THSD4: variants seen among roughly 807,000 people sequenced by gnomAD.
The protein encoded by THSD4 is thrombospondin type 1 domain containing 4.
A neutral mutation model predicts 119.0 loss-of-function variants in THSD4; 69 were observed. That is an observed-to-expected ratio of 0.58 (90% CI 0.48 to 0.71). The LOEUF (loss-of-function observed/expected upper bound fraction) is 0.71. Ranked by LOEUF, THSD4 falls within the 30% of genes least tolerant of loss-of-function variation. The pLI, the probability that THSD4 is intolerant of heterozygous loss-of-function variation, is 0.00. For missense variants in THSD4, 1,393 were observed against 1,391.1 expected, an observed-to-expected ratio of 1.00 and a Z score of -0.02; for synonymous variants, 524 against 540.4, an observed-to-expected ratio of 0.97 and a Z score of 0.42.
intron 15 of THSD4, among the ~76,000 whole-genome samples, chr15:71,758,787 C>T (rs1343595328): frequency 1.3e-5 from 2 of 152,106 alleles, no homozygotes; most frequent in Admixed American, 1.3e-4. Context: ...ACCTCTGGCT[C>T]CATATAGAAT....
chr15:71,139,941 C>T (rs899675952), intron 1 of THSD4, among the ~76,000 whole-genome samples: 8 of 152,244 alleles, frequency 5.3e-5, no homozygotes, highest in South Asian at 2.1e-4. Context: ...AGTTTTACTA[C>T]GTTGCAACCA....
chr15:71,205,802 T>A (rs1359370345), intron 3 of THSD4, among the ~76,000 whole-genome samples: 1 of 152,020 alleles, frequency 6.6e-6, no homozygotes, highest in Admixed American at 6.6e-5. Context: ...TTAAATCATC[T>A]GTCTCAGATG....
At chr15:71,622,573 T>C (rs2050436709) in intron 7 of THSD4, among the ~76,000 whole-genome samples, 1 of 152,230 alleles carries the variant, frequency 6.6e-6, no homozygotes, top group Admixed American at 6.5e-5. Flanking sequence ...CACGTGTGAT[T>C]CACTTTTCTC....
chr15:71,699,002 A>G (rs1337852831), intron 8 of THSD4, among the ~76,000 whole-genome samples: 2 of 152,302 alleles, frequency 1.3e-5, no homozygotes, highest in East Asian at 3.9e-4. Context: ...ACGATACAGT[A>G]TAGGGCTTAC....
rs962189582 is a variant in THSD4, at chr15:71,599,831, C to A, written c.1153-60699C>A. 1.2e-4 allele frequency among the ~76,000 whole-genome samples: 19 copies of A among 152,336 alleles called. 1 individual carries two copies. The highest frequency in any genetic ancestry group is 1.2e-3 in the Admixed American group (19 of 15,298). On this transcript the variant is annotated intron_variant, in intron 7 of 17. Coordinates refer to ENST00000261862, the MANE Select transcript of THSD4 (RefSeq NM_024817.3). ...GAGAGGCCCACTTTGAGCCGAAACA[C>A]TGGGAGCCGCATAAAGCCCCAATGT...
chr15:71,411,684 T>C lies in THSD4; in HGVS notation c.1016-3T>C, dbSNP rs1483429352. The C allele has an allele frequency of 6.2e-7, 1 of 1,613,350 alleles. No individual in the cohort carries two copies. The highest frequency in any genetic ancestry group is 1.1e-5 in the South Asian group (1 of 90,998). ...TTTATTTTATTTCATTTTACTTTGG[T>C]AGTAAAAGGCAATCGCAAATGTGAG... On this transcript the variant is annotated splice_polypyrimidine_tract_variant and splice_region_variant and intron_variant, in intron 6 of 17. Coordinates refer to ENST00000261862, the MANE Select transcript of THSD4 (RefSeq NM_024817.3).
At chr15:71,655,557 A>G (rs1272540353) in intron 7 of THSD4, among the ~76,000 whole-genome samples, 1 of 152,200 alleles carries the variant, frequency 6.6e-6, no homozygotes, top group East Asian at 1.9e-4. Flanking sequence ...AAGCCACCAT[A>G]TTGCAGAATT....
intron 5 of THSD4, 61 bp from the exon 6 acceptor site, chr15:71,256,552 T>C: frequency 3.0e-6 from 4 of 1,321,652 alleles, no homozygotes; most frequent in Non-Finnish European, 4.2e-6. Context: ...GGTTTGGAAA[T>C]GTATCCTGGA....
intron 7 of THSD4, among the ~76,000 whole-genome samples, chr15:71,611,952 G>A (rs185045370): frequency 4.6e-5 from 7 of 152,326 alleles, no homozygotes; most frequent in Admixed American, 1.3e-4. Flanking sequence ...ATGAGGTCTT[G>A]GAGGCTTTGA....
intron 2 of THSD4, among the ~76,000 whole-genome samples, chr15:71,147,415 G>A (rs893444253): frequency 6.6e-6 from 1 of 152,030 alleles, no homozygotes; most frequent in East Asian, 1.9e-4. Context: ...TCACCATCTT[G>A]CCCAGGCTGA....
At chr15:71,731,603 A>C in intron 10 of THSD4, 4 of 182,138 alleles carry the variant, frequency 2.2e-5, no homozygotes, top group Admixed American at 5.5e-5. Context: ...ACATAATGAA[A>C]CCCCTGTCTC....
At chr15:71,549,431 A>G (rs1278545163) in intron 7 of THSD4, among the ~76,000 whole-genome samples, 3 of 152,138 alleles carry the variant, frequency 2.0e-5, no homozygotes, top group Non-Finnish European at 4.4e-5. Context: ...CTAGGAAATT[A>G]TACAATTAGG....
In THSD4 at chr15:71,108,933, A is replaced by C. The variant is rs942457272; in HGVS notation, c.-80+11927A>C. Among the ~76,000 whole-genome samples, 12 of 152,354 alleles carry C rather than the reference A, an allele frequency of 7.9e-5. 1 individual carries two copies. The East Asian group carries it at 2.3e-3, about 29-fold the overall frequency. On this transcript the variant is annotated intron_variant, in intron 1 of 17. Coordinates refer to the THSD4 transcript ENST00000355327. ...CTTGAATGTGAGAGGCGGAGGTTGC[A>C]GTGAGCCAAGATCGCACCACTGCAC...
chr15:71,410,882 C>T (rs1343408425), intron 6 of THSD4, among the ~76,000 whole-genome samples: 1 of 152,000 alleles, frequency 6.6e-6, no homozygotes, highest in Admixed American at 6.6e-5. Flanking sequence ...AAAATACACA[C>T]ACACACACAC....
rs138291620 is a variant in THSD4 at position 71,407,766 on chromosome 15, CTGAT to C, written c.1016-3915_1016-3912del. Among the ~76,000 whole-genome samples the C allele has an allele frequency of 1.6e-4, 25 of 152,284 alleles. 1 individual carries two copies. The highest frequency in any genetic ancestry group is 1.9e-4 in the East Asian group (1 of 5,178). On this transcript the variant is annotated intron_variant, in intron 6 of 17. Transcript: ENST00000261862. ...AGTCAGCTGCTTCCAAGTCGGCTCA[CTGAT>C]TGATTTTCCTTAGAGCAATGATTCC...
chr15:71,711,072 A>AATATATATATATGTATATATATATAC (rs3086741), intron 8 of THSD4, among the ~76,000 whole-genome samples: 3 of 147,844 alleles, frequency 2.0e-5, no homozygotes, highest in Non-Finnish European at 4.5e-5. Flanking sequence ...TTGAAAGCAA[A>AATATATATATATGTATATATATATAC]ATATATATAT....
intron 7 of THSD4, among the ~76,000 whole-genome samples, chr15:71,480,680 GT>G (rs1409158866): frequency 6.6e-6 from 1 of 152,172 alleles, no homozygotes; most frequent in Non-Finnish European, 1.5e-5. Flanking sequence ...GTTGACAAAA[GT>G]GCAGGAGTGC....
intron 7 of THSD4, among the ~76,000 whole-genome samples, chr15:71,574,115 CAG>C (rs1304808610): frequency 6.6e-6 from 1 of 152,198 alleles, no homozygotes; most frequent in Non-Finnish European, 1.5e-5. Flanking sequence ...AGTAGACAGT[CAG>C]TGAATATTTG....
At position 71,297,320 on chromosome 15, in the gene THSD4, T is replaced by TTTG. The variant is rs1555461742; in HGVS notation, c.1015+40607_1015+40608insGTT. On this transcript the variant is annotated intron_variant, in intron 6 of 17. Coordinates refer to ENST00000261862, the MANE Select transcript of THSD4 (RefSeq NM_024817.3). ...AAGTCCTTTGCTCTCCTCTTCTTTTTTTTGTTTGTTTGTTTGTTTGTTTGT... is the reference window on the plus strand; with the variant it reads ...AAGTCCTTTGCTCTCCTCTTCTTTTTTTGTTTGTTTGTTTGTTTGTTTGTTTGT... 2.6e-4 allele frequency among the ~76,000 whole-genome samples: 38 copies of TTTG among 148,088 alleles called. 1 individual carries two copies. Among genetic ancestry groups the TTTG allele is most frequent in the East Asian group, 5.9e-4 (3 of 5,080 alleles).
Sources: allele counts gnomAD v4.1 joint callset (sites outside exome capture counted in the v4.1 genomes callset), GRCh38; gene constraint gnomAD v4.1.1; transcripts MANE v1.5; gene names NCBI Gene and HGNC (gene_info 2026-07-23, HGNC 2026-07-21).